Variants in NAALADL2 observed in about 807,000 individuals in gnomAD.
NAALADL2 encodes inactive N-acetylated-alpha-linked acidic dipeptidase-like protein 2.
In NAALADL2, 76 loss-of-function variants were observed where a neutral mutation model predicts 87.2. The observed-to-expected ratio is 0.87, with a 90% CI of 0.72 to 1.05. The LOEUF (loss-of-function observed/expected upper bound fraction) is 1.05, where lower values mean the gene tolerates loss of function less well. Ranked by LOEUF, NAALADL2 falls within the 50% of genes least tolerant of loss-of-function variation. The pLI, the probability that NAALADL2 is intolerant of heterozygous loss-of-function variation, is 0.00. For synonymous variants in NAALADL2, 354 were observed against 331.0 expected (o/e 1.07, Z -0.75); for missense variants, 1,089 against 945.8 (o/e 1.15, Z -1.99).
chr3:175,679,043 G>A (rs1582872251), intron 11 of NAALADL2, among the ~76,000 whole-genome samples: 1 of 152,144 alleles, frequency 6.6e-6, no homozygotes, highest in East Asian at 1.9e-4. Context: ...CTAGCTGGTA[G>A]GGGTGGGGGT....
chr3:175,650,548 T>C (rs1196844927), intron 11 of NAALADL2, among the ~76,000 whole-genome samples: 1 of 152,160 alleles, frequency 6.6e-6, no homozygotes, highest in Admixed American at 6.5e-5. Flanking sequence ...ATAAAATATG[T>C]CTCCCTGCAT....
At chr3:175,177,827 G>T (rs1735903006) in intron 2 of NAALADL2, among the ~76,000 whole-genome samples, 1 of 123,178 alleles carries the variant, frequency 8.1e-6, no homozygotes, top group South Asian at 3.1e-4. Context: ...GCCCAGTGAG[G>T]TAGGGTACAG....
intron 5 of NAALADL2, among the ~76,000 whole-genome samples, chr3:175,409,341 A>T (rs1347808711): frequency 6.6e-6 from 1 of 151,870 alleles, no homozygotes; most frequent in Non-Finnish European, 1.5e-5. Context: ...TTGTGGCAAA[A>T]GTTGTCCAGG....
At chr3:174,823,803 C>T (rs1003921253) in intron 3 of NAALADL2, among the ~76,000 whole-genome samples, 20 of 152,070 alleles carry the variant, frequency 1.3e-4, no homozygotes, top group Admixed American at 3.3e-4. Context: ...CTCCGCCTCC[C>T]GGGTTCAAGC....
chr3:175,718,167 G>A lies in NAALADL2; in HGVS notation c.1897-19139G>A, dbSNP rs183774514. 749 of 1,200,530 alleles carry A rather than the reference G, an allele frequency of 6.2e-4. 5 individuals are homozygous for A. Among genetic ancestry groups the A allele is most frequent in the Non-Finnish European group, 7.3e-4 (635 of 871,768 alleles). 74.4% of individuals were successfully genotyped at this position (1,200,530 alleles called of 1,614,324 possible). A position where few individuals can be genotyped will look rare whatever the true frequency, so the allele number is the denominator to read the frequency against. ...GTGGAAAATGAAGACTGATTAAATC[G>A]AATGGAGGGGAAGGGGAAGGGCCTG... On this transcript the variant is annotated intron_variant, in intron 11 of 13. Transcript: ENST00000454872.
intron 13 of NAALADL2, among the ~76,000 whole-genome samples, chr3:175,780,218 G>A (rs1750851310): frequency 2.0e-5 from 3 of 151,762 alleles, no homozygotes; most frequent in Admixed American, 6.6e-5. Flanking sequence ...GGAGCTTGCA[G>A]TGAGCCGAGA....
intron 3 of NAALADL2, among the ~76,000 whole-genome samples, chr3:174,831,837 G>C (rs1249844138): frequency 1.3e-5 from 2 of 150,788 alleles, no homozygotes; most frequent in Non-Finnish European, 3.0e-5. Flanking sequence ...TTAGTCTTGG[G>C]AGAGTGTATG....
In NAALADL2 at chr3:174,939,269, T is replaced by C. The variant is rs78510030; in HGVS notation, c.43+79819T>C. ...ATTTATTGGTTGAATAAAGAGTCTT[T>C]TTTCCATGGCTTGGTTTTATCAGCT... On this transcript the variant is annotated intron_variant, in intron 1 of 13. Transcript: ENST00000454872. Among the ~76,000 whole-genome samples the C allele has an allele frequency of 1.2e-4, 18 of 152,144 alleles. No homozygotes were observed. The East Asian group carries it at 2.9e-3, about 25-fold the overall frequency.
chr3:174,616,989 C>G (rs1000253213), intron 2 of NAALADL2, among the ~76,000 whole-genome samples: 2 of 151,648 alleles, frequency 1.3e-5, no homozygotes, highest in Non-Finnish European at 1.5e-5. Context: ...CATAGTTGGT[C>G]TTAATACCAA....
chr3:175,157,131 A>AT (rs1278405364), intron 2 of NAALADL2, among the ~76,000 whole-genome samples: 1 of 152,128 alleles, frequency 6.6e-6, no homozygotes, highest in East Asian at 1.9e-4. Flanking sequence ...CATTAAAATA[A>AT]TTTTTTAAGC....
intron 1 of NAALADL2, among the ~76,000 whole-genome samples, chr3:174,488,550 G>C (rs1043847110): frequency 6.6e-5 from 10 of 151,994 alleles, no homozygotes; most frequent in Non-Finnish European, 1.2e-4. Context: ...CCTTACTAAG[G>C]ATGCAGTATG....
rs114735766 is a variant in NAALADL2 at position 175,107,503 on chromosome 3, C to T, written c.545+10212C>T. 4.5e-3 allele frequency among the ~76,000 whole-genome samples: 614 copies of T among 135,120 alleles called. 4 individuals are homozygous for T. Among genetic ancestry groups the T allele is most frequent in the African/African-American group, 0.018 (587 of 31,950 alleles). 88.6% of individuals were successfully genotyped at this position (135,120 alleles called of 152,430 possible). On this transcript the variant is annotated intron_variant, in intron 2 of 13. Coordinates refer to ENST00000454872, the MANE Select transcript of NAALADL2 (RefSeq NM_207015.3). ...AGCTCTTTTCATACACAAGCACGAA[C>T]ACACACATACACACACACACACACA...
intron 2 of NAALADL2, among the ~76,000 whole-genome samples, chr3:174,665,137 T>G (rs1051290296): frequency 6.6e-6 from 1 of 152,170 alleles, no homozygotes; most frequent in South Asian, 2.1e-4. Flanking sequence ...AAGAAGAAAT[T>G]ATACCGGTTT....
intron 4 of NAALADL2, among the ~76,000 whole-genome samples, chr3:175,307,158 T>TC (rs1757821377): frequency 6.6e-6 from 1 of 151,770 alleles, no homozygotes; most frequent in South Asian, 2.1e-4. Flanking sequence ...TCACAGCCCC[T>TC]CCCAGGGTGA....
intron 12 of NAALADL2, among the ~76,000 whole-genome samples, chr3:175,741,895 T>G (rs940066670): frequency 1.3e-5 from 2 of 152,174 alleles, no homozygotes; most frequent in African/African-American, 4.8e-5. Flanking sequence ...ACCCATGACA[T>G]GGACTCAGAC....
chr3:175,097,414 CACA>C, intron 2 of NAALADL2, 123 bp downstream of exon 2: 1 of 862,348 alleles, frequency 1.2e-6, no homozygotes, highest in Non-Finnish European at 1.8e-6. Context: ...AACATATCAC[CACA>C]ACAAGAATAG....
chr3:175,179,437 T>C (rs1378118613), intron 2 of NAALADL2, among the ~76,000 whole-genome samples: 1 of 151,980 alleles, frequency 6.6e-6, no homozygotes, highest in Non-Finnish European at 1.5e-5. Flanking sequence ...CACTATGGAC[T>C]ATAATTTACT....
At chr3:174,645,979 C>A (rs1032816661) in intron 2 of NAALADL2, among the ~76,000 whole-genome samples, 1 of 152,146 alleles carries the variant, frequency 6.6e-6, no homozygotes, top group African/African-American at 2.4e-5. Flanking sequence ...GTAACACAAG[C>A]TTTCATGTTA....
At chr3:174,892,325 C>T (rs1053073636) in intron 1 of NAALADL2, among the ~76,000 whole-genome samples, 13 of 151,902 alleles carry the variant, frequency 8.6e-5, no homozygotes, top group African/African-American at 3.1e-4. Context: ...ACATTCAAGA[C>T]AACACAGAGA....
Sources: gnomAD v4.1 joint callset for allele counts (sites outside exome capture counted in the v4.1 genomes callset) on GRCh38, gnomAD v4.1.1 for gene constraint, MANE v1.5 for transcripts, NCBI Gene and HGNC (gene_info 2026-07-23, HGNC 2026-07-21) for gene names.